The following FKBP1B variants were observed in gnomAD, a reference collection of about 807,000 sequenced individuals.
FKBP1B encodes the protein peptidyl-prolyl cis-trans isomerase FKBP1B.
A neutral mutation model predicts 13.5 loss-of-function variants in FKBP1B; 4 were observed. The ratio of observed to expected loss-of-function variants is 0.30; its 90% confidence interval spans 0.15 to 0.68. The LOEUF (loss-of-function observed/expected upper bound fraction) is 0.68. Among genes scored for constraint, FKBP1B ranks in the 30% least tolerant of loss-of-function variants. The probability of loss-of-function intolerance (pLI) is 0.76; values close to 1 mark genes in which losing one functional copy is unlikely to be tolerated. For synonymous variants in FKBP1B, 54 were observed against 53.6 expected (o/e 1.01, Z -0.03); for missense variants, 93 against 136.2 (o/e 0.68, Z 1.58).
chr2:24,053,911 T>C lies in FKBP1B; in HGVS notation c.47T>C (p.Phe16Ser). Reference sequence around the variant, plus strand: ...TCATGTCTCCCTGCAGGAAGGACATTCCCCAAGAAGGGCCAAACGTGTGTG... The same window carrying C: ...TCATGTCTCCCTGCAGGAAGGACATCCCCCAAGAAGGGCCAAACGTGTGTG... ...ETISPGDGRT[F>S]PKKGQTCVVH... Residue 16 changes from phenylalanine (F) to serine (S), a missense_variant, in exon 2 of 4, where the codon TTC becomes TCC. By Grantham distance (155) the Phe-to-Ser change is radical (BLOSUM62 -2). Coordinates refer to ENST00000380986, the MANE Select transcript of FKBP1B (RefSeq NM_004116.5). 1 of 1,614,116 alleles carries C rather than the reference T, an allele frequency of 6.2e-7. No homozygotes were observed. The highest frequency in any genetic ancestry group is 8.5e-7 in the Non-Finnish European group (1 of 1,179,998).
the FKBP1B span, among the ~76,000 whole-genome samples, chr2:24,036,105 T>TAAAA: frequency 6.9e-6 from 1 of 145,824 alleles, no homozygotes; most frequent in African/African-American, 2.6e-5. Flanking sequence ...AATAAATAAA[T>TAAAA]AAAATAAAAT....
the FKBP1B span, chr2:24,039,352 A>G: frequency 1.9e-6 from 3 of 1,614,242 alleles, no homozygotes; most frequent in Non-Finnish European, 2.5e-6. Flanking sequence ...GGAGTCCCCA[A>G]ACTTGACCTC....
the FKBP1B span, chr2:24,039,015 G>A: frequency 6.2e-7 from 1 of 1,614,190 alleles, no homozygotes; most frequent in Non-Finnish European, 8.5e-7. Flanking sequence ...AACATGCACA[G>A]TGAATGCGGC....
At chr2:24,042,790 T>C in the FKBP1B span, among the ~76,000 whole-genome samples, 1 of 151,962 alleles carries the variant, frequency 6.6e-6, no homozygotes, top group African/African-American at 2.4e-5. Context: ...CCTAGCATTT[T>C]GGGAGGCCGA....
chr2:24,042,362 C>G, the FKBP1B span, among the ~76,000 whole-genome samples: 1 of 151,892 alleles, frequency 6.6e-6, no homozygotes, highest in South Asian at 2.1e-4. Context: ...ACGGTGAAAC[C>G]CTGTCTCTAC....
At chr2:24,047,816 C>T (rs146794147), upstream of FKBP1B, among the ~76,000 whole-genome samples, 24 of 152,336 alleles carry the variant, frequency 1.6e-4, no homozygotes, top group Non-Finnish European at 3.1e-4. Flanking sequence ...CTGCATGGGC[C>T]TGTCCCAGCT....
At chr2:24,060,967 G>A in intron 3 of FKBP1B, 41 bp downstream of exon 3, 3 of 1,459,414 alleles carry the variant, frequency 2.1e-6, no homozygotes, top group Non-Finnish European at 2.9e-6. Flanking sequence ...TGGGGAGTTG[G>A]GGATCTGGGA....
intron 3 of FKBP1B, 51 bp downstream of exon 3, chr2:24,060,977 A>G (rs770471999): frequency 7.3e-7 from 1 of 1,373,698 alleles, no homozygotes; most frequent in Non-Finnish European, 1.0e-6. Context: ...GGGATCTGGG[A>G]TCAGCACTCT....
upstream of FKBP1B, chr2:24,049,520 T>G: frequency 1.5e-5 from 4 of 274,724 alleles, no homozygotes; most frequent in African/African-American, 2.2e-5. Context: ...GATGCGCGAA[T>G]GAATGGATGG....
At chr2:24,058,616 G>T (rs1664243806) in intron 2 of FKBP1B, among the ~76,000 whole-genome samples, 1 of 152,226 alleles carries the variant, frequency 6.6e-6, no homozygotes, top group Non-Finnish European at 1.5e-5. Context: ...GTGTGAATGT[G>T]TGCATGTGTG....
chr2:24,042,632 C>T, the FKBP1B span, among the ~76,000 whole-genome samples: 1 of 151,122 alleles, frequency 6.6e-6, no homozygotes, highest in Non-Finnish European at 1.5e-5. Context: ...TCGCTTGAAC[C>T]CGGGAGGTGG....
chr2:24,061,558 C>T (rs964390490), intron 3 of FKBP1B, among the ~76,000 whole-genome samples: 4 of 152,060 alleles, frequency 2.6e-5, no homozygotes, highest in Admixed American at 6.6e-5. Context: ...TTCGTTTTTT[C>T]GCTTTTTTGA....
intron 2 of FKBP1B, among the ~76,000 whole-genome samples, chr2:24,056,089 A>G (rs1180342921): frequency 1.3e-5 from 2 of 152,078 alleles, no homozygotes; most frequent in Non-Finnish European, 2.9e-5. Context: ...TCCTGGGTTC[A>G]AGCGATTCTC....
At chr2:24,044,938 A>G (rs1663566161), upstream of FKBP1B, among the ~76,000 whole-genome samples, 1 of 152,194 alleles carries the variant, frequency 6.6e-6, no homozygotes, top group African/African-American at 2.4e-5. Flanking sequence ...TAACAAGGCA[A>G]TTAAAACCTT....
chr2:24,039,346 T>G, the FKBP1B span: 1 of 1,614,006 alleles, frequency 6.2e-7, no homozygotes, highest in Non-Finnish European at 8.5e-7. Context: ...GACTTTGGAG[T>G]CCCCAAACTT....
At chr2:24,045,543 G>A (rs896899022), upstream of FKBP1B, among the ~76,000 whole-genome samples, 2 of 148,740 alleles carry the variant, frequency 1.3e-5, no homozygotes, top group African/African-American at 5.0e-5. Context: ...GGAGGTTGCA[G>A]TGAGCCGAGT....
At chr2:24,039,256 T>A in the FKBP1B span, 1 of 1,614,242 alleles carries the variant, frequency 6.2e-7, no homozygotes, top group Non-Finnish European at 8.5e-7. Flanking sequence ...CTTCTCATGC[T>A]GGACAGCGAG....
chr2:24,059,861 C>CTCCA, intron 2 of FKBP1B, among the ~76,000 whole-genome samples: 1 of 141,890 alleles, frequency 7.0e-6, no homozygotes, highest in African/African-American at 2.6e-5. Context: ...CACCACTGCA[C>CTCCA]TCCAGCCTGG....
chr2:24,040,733 A>G, the FKBP1B span, among the ~76,000 whole-genome samples: 1 of 152,300 alleles, frequency 6.6e-6, no homozygotes, highest in South Asian at 2.1e-4. Flanking sequence ...GCATATGCTT[A>G]GGGCTGGGCG....
Sources: allele counts gnomAD v4.1 joint callset (sites outside exome capture counted in the v4.1 genomes callset), GRCh38; gene constraint gnomAD v4.1.1; transcripts MANE v1.5; gene names NCBI Gene and HGNC (gene_info 2026-07-23, HGNC 2026-07-21).